The following NAV2 variants were observed in gnomAD, a reference collection of about 807,000 sequenced individuals.
NAV2 encodes neuron navigator 2.
In NAV2, 54 loss-of-function variants were observed where a neutral mutation model predicts 223.2. The ratio of observed to expected loss-of-function variants is 0.24; its 90% CI spans 0.19 to 0.30. The LOEUF (loss-of-function observed/expected upper bound fraction) is 0.30, where lower values mean the gene tolerates loss of function less well. NAV2 is among the 10% of genes least tolerant of loss of function. NAV2 has a pLI of 1.00. For synonymous variants in NAV2, 1,279 were observed against 1,239.3 expected (o/e 1.03, Z -0.67); for missense variants, 2,806 against 3,147.5 (o/e 0.89, Z 2.60).
chr11:19,644,959 C>G (rs1394380885), intron 1 of NAV2, among the ~76,000 whole-genome samples: 1 of 152,136 alleles, frequency 6.6e-6, no homozygotes, highest in African/African-American at 2.4e-5. Context: ...AATTCATAGG[C>G]CAATGAATTC....
intron 1 of NAV2, among the ~76,000 whole-genome samples, chr11:19,612,070 T>C (rs1229348518): frequency 6.6e-6 from 1 of 152,204 alleles, no homozygotes; most frequent in Non-Finnish European, 1.5e-5. Context: ...GGCTCAACAC[T>C]ACATGGAAGC....
At chr11:19,706,812 G>A (rs60535442) in intron 1 of NAV2, among the ~76,000 whole-genome samples, 1 of 152,198 alleles carries the variant, frequency 6.6e-6, no homozygotes, top group African/African-American at 2.4e-5. Context: ...TCTGAGAAAT[G>A]AGTCTTTAGT....
intron 1 of NAV2, among the ~76,000 whole-genome samples, chr11:19,613,271 C>A (rs1310241550): frequency 6.6e-6 from 1 of 152,136 alleles, no homozygotes; most frequent in Non-Finnish European, 1.5e-5. Context: ...ATTTCCACAA[C>A]TGACTAGGGT....
At chr11:19,588,390 C>A (rs913467871) in intron 1 of NAV2, among the ~76,000 whole-genome samples, 3 of 152,176 alleles carry the variant, frequency 2.0e-5, no homozygotes, top group Non-Finnish European at 2.9e-5. Context: ...GGCATCTAGG[C>A]CCATAGCTGC....
chr11:19,408,312 G>C (rs1450080752), intron 1 of NAV2, among the ~76,000 whole-genome samples: 2 of 152,124 alleles, frequency 1.3e-5, no homozygotes, highest in African/African-American at 2.4e-5. Flanking sequence ...GGCAGGAAAG[G>C]GGAGGCTGGG....
At chr11:19,491,853 G>A (rs188127678) in intron 1 of NAV2, among the ~76,000 whole-genome samples, 1 of 152,136 alleles carries the variant, frequency 6.6e-6, no homozygotes. Flanking sequence ...TAAAGTGAGA[G>A]ATGTGCGACT....
chr11:19,864,647 G>A (rs1166249849), intron 3 of NAV2, among the ~76,000 whole-genome samples: 1 of 152,206 alleles, frequency 6.6e-6, no homozygotes, highest in Non-Finnish European at 1.5e-5. Context: ...GCCCATGGAA[G>A]TTGCCCTGCA....
intron 6 of NAV2, among the ~76,000 whole-genome samples, chr11:19,895,646 A>G (rs561367603): frequency 2.0e-5 from 3 of 152,278 alleles, no homozygotes; most frequent in Admixed American, 6.5e-5. Context: ...ATTCACAATG[A>G]TAAAAATAAC....
chr11:19,714,130 C>T (rs2050081824), intron 1 of NAV2, 168 bp downstream of exon 1: 1 of 1,031,146 alleles, frequency 9.7e-7, no homozygotes, highest in Non-Finnish European at 1.4e-6. Flanking sequence ...GAGAGTGGGC[C>T]GGCCGGTGGG....
rs138914774 is a variant in NAV2, at chr11:19,612,675, T to C, written c.76-219809T>C. Among the ~76,000 whole-genome samples the C allele has an allele frequency of 6.0e-3, 917 of 152,294 alleles. 4 individuals carry two copies. Among genetic ancestry groups the C allele is most frequent in the African/African-American group, 0.02 (822 of 41,550 alleles). ...TTCCTCATCTCCATCTTAGACCACC[T>C]CAGCCTGGACCTTATTGTCCATATG... On this transcript the variant is annotated intron_variant, in intron 1 of 37. Coordinates refer to the NAV2 transcript ENST00000360655.
chr11:19,499,741 C>A (rs2042905803), intron 1 of NAV2, among the ~76,000 whole-genome samples: 1 of 152,092 alleles, frequency 6.6e-6, no homozygotes, highest in Non-Finnish European at 1.5e-5. Flanking sequence ...AGTGCCTGGC[C>A]CAGGCCTGGC....
At position 19,932,397 on chromosome 11, in the gene NAV2, A is replaced by G. The variant is rs561155098; in HGVS notation, c.932-779A>G. On this transcript the variant is annotated intron_variant, in intron 6 of 37. Coordinates refer to ENST00000349880, the MANE Select transcript of NAV2 (RefSeq NM_145117.5). Reference sequence around the variant, plus strand: ...TTTTCCCAGGCTGGAGTACAATGGCATGATCTCAGCTCACTGCAACCTCTA... The same window carrying G: ...TTTTCCCAGGCTGGAGTACAATGGCGTGATCTCAGCTCACTGCAACCTCTA... 3.3e-5 allele frequency among the ~76,000 whole-genome samples: 5 copies of G among 152,174 alleles called. No homozygotes were observed. The South Asian group carries it at 1.0e-3, about 32-fold the overall frequency.
At chr11:19,474,039 C>G (rs1337282973) in intron 1 of NAV2, among the ~76,000 whole-genome samples, 3 of 152,222 alleles carry the variant, frequency 2.0e-5, no homozygotes, top group Non-Finnish European at 2.9e-5. Context: ...TTTCCTTACA[C>G]ATAGCCCTCT....
intron 1 of NAV2, among the ~76,000 whole-genome samples, chr11:19,684,788 C>G (rs1436737599): frequency 6.6e-6 from 1 of 152,194 alleles, no homozygotes; most frequent in Non-Finnish European, 1.5e-5. Context: ...AATACCCATT[C>G]TCTTCAAGGG....
chr11:19,736,286 G>A (rs893601516), intron 1 of NAV2, among the ~76,000 whole-genome samples: 2 of 152,154 alleles, frequency 1.3e-5, no homozygotes, highest in African/African-American at 4.8e-5. Context: ...ACTGCTGCTA[G>A]GATTAAAAAT....
At chr11:19,653,003 G>T (rs561965474) in intron 1 of NAV2, among the ~76,000 whole-genome samples, 1 of 152,176 alleles carries the variant, frequency 6.6e-6, no homozygotes, top group African/African-American at 2.4e-5. Flanking sequence ...AAGCTCTAGG[G>T]AAGGCAGAGA....
intron 1 of NAV2, among the ~76,000 whole-genome samples, chr11:19,689,507 A>G (rs891043174): frequency 3.9e-5 from 6 of 152,346 alleles, no homozygotes; most frequent in African/African-American, 1.4e-4. Flanking sequence ...GGCGTCCGCC[A>G]GGAGGACGGT....
At chr11:19,458,283 C>T (rs1852030017) in intron 1 of NAV2, among the ~76,000 whole-genome samples, 1 of 152,184 alleles carries the variant, frequency 6.6e-6, no homozygotes, top group African/African-American at 2.4e-5. Flanking sequence ...TGCTGGGTGA[C>T]CAGCCAGCTG....
intron 14 of NAV2, among the ~76,000 whole-genome samples, chr11:20,047,845 ATACT>A (rs1474751591): frequency 6.6e-6 from 1 of 152,244 alleles, no homozygotes; most frequent in African/African-American, 2.4e-5. Context: ...CACTTGTGAG[ATACT>A]TACTCAACAC....
Sources: allele counts gnomAD v4.1 joint callset (sites outside exome capture counted in the v4.1 genomes callset), GRCh38; gene constraint gnomAD v4.1.1; transcripts MANE v1.5; gene names NCBI Gene and HGNC (gene_info 2026-07-23, HGNC 2026-07-21).